The following MCTP1 variants were observed in gnomAD, a reference collection of about 807,000 sequenced individuals.
MCTP1 encodes the protein multiple C2 and transmembrane domain containing 1.
A neutral mutation model predicts 120.6 loss-of-function variants in MCTP1; 69 were observed. That is an observed-to-expected ratio of 0.57 (90% confidence interval 0.47 to 0.70). MCTP1 has a LOEUF of 0.70. MCTP1 is among the 30% of genes least tolerant of loss of function. The pLI, the probability that MCTP1 is intolerant of heterozygous loss-of-function variation, is 0.00. For synonymous variants in MCTP1, 529 were observed against 493.1 expected, an observed-to-expected ratio of 1.07 and a Z score of -0.96; for missense variants, 1,203 against 1,248.8, an observed-to-expected ratio of 0.96 and a Z score of 0.55.
chr5:94,938,327 G>A (rs1377317474), intron 5 of MCTP1, among the ~76,000 whole-genome samples: 1 of 151,942 alleles, frequency 6.6e-6, no homozygotes, highest in Non-Finnish European at 1.5e-5. Flanking sequence ...GTGTTGTTAT[G>A]CACTCTGATC....
rs909165627 is a variant in MCTP1, at chr5:95,081,588, G to A, written c.721-64104C>T. 2.0e-6 allele frequency: 3 copies of A among 1,478,564 alleles called. No homozygotes were observed. In the African/African-American group the frequency reaches 4.2e-5, roughly 21 times the overall value. The allele number at this position is 1,478,564 out of a possible 1,614,324, so 91.6% of individuals were successfully genotyped here. A position where few individuals can be genotyped will look rare whatever the true frequency, so the allele number is the denominator to read the frequency against. ...GGCAAAAGAGGCTGTTCACCTCCAA[G>A]TGATAGCAACAGCCCTGCACGGAGC... On this transcript the variant is annotated intron_variant, in intron 1 of 22. Coordinates refer to ENST00000515393, the MANE Select transcript of MCTP1 (RefSeq NM_024717.7).
chr5:94,834,770 G>A (rs1007740556), intron 17 of MCTP1, among the ~76,000 whole-genome samples: 2 of 150,926 alleles, frequency 1.3e-5, no homozygotes, highest in African/African-American at 4.9e-5. Flanking sequence ...TAGGAGACCT[G>A]GTAACTGGAT....
chr5:94,800,335 C>T (rs575149067), intron 17 of MCTP1, among the ~76,000 whole-genome samples: 17 of 152,136 alleles, frequency 1.1e-4, no homozygotes, highest in East Asian at 7.7e-4. Flanking sequence ...TGAACCATAG[C>T]GTAACTGGGA....
At chr5:94,982,324 C>T (rs575760466) in intron 2 of MCTP1, among the ~76,000 whole-genome samples, 10 of 152,058 alleles carry the variant, frequency 6.6e-5, no homozygotes, top group South Asian at 2.1e-4. Context: ...GGTACTGATA[C>T]AATAACAACA....
In MCTP1 at chr5:95,194,147, C is replaced by T. The variant is rs571148889; in HGVS notation, c.720+89709G>A. Among the ~76,000 whole-genome samples, 5 of 152,018 alleles carry T rather than the reference C, an allele frequency of 3.3e-5. No homozygotes were observed. The East Asian group carries it at 9.7e-4, about 29-fold the overall frequency. On this transcript the variant is annotated intron_variant, in intron 1 of 22. Coordinates refer to ENST00000515393, the MANE Select transcript of MCTP1 (RefSeq NM_024717.7). Reference sequence around the variant, plus strand: ...AGGAGGATAGCTTGAGCCCAGGAGTCTGAGCCTGCAGTGAGCTATGATTGT... The same window carrying T: ...AGGAGGATAGCTTGAGCCCAGGAGTTTGAGCCTGCAGTGAGCTATGATTGT...
At chr5:94,792,409 G>A (rs1257689925) in intron 18 of MCTP1, 1 of 152,286 alleles carries the variant, frequency 6.6e-6, no homozygotes, top group Non-Finnish European at 1.5e-5. Flanking sequence ...GACAAAAGGG[G>A]TTGCCTTCCC....
intron 1 of MCTP1, among the ~76,000 whole-genome samples, chr5:95,145,566 T>G (rs757359222): frequency 1.3e-5 from 2 of 152,104 alleles, no homozygotes; most frequent in African/African-American, 2.4e-5. Flanking sequence ...GAGGTATGTG[T>G]CTTCAATGCA....
intron 1 of MCTP1, among the ~76,000 whole-genome samples, chr5:95,053,776 C>T (rs907258632): frequency 6.6e-6 from 1 of 152,094 alleles, no homozygotes; most frequent in Middle Eastern, 3.2e-3. Flanking sequence ...CAAATGCGAC[C>T]TCCACAACTC....
intron 17 of MCTP1, among the ~76,000 whole-genome samples, chr5:94,805,469 AC>A (rs1339740647): frequency 1.3e-5 from 2 of 152,060 alleles, no homozygotes; most frequent in Non-Finnish European, 2.9e-5. Flanking sequence ...TCTACTAAAA[AC>A]AAAAAAATGT....
At chr5:95,155,834 A>G (rs10476628) in intron 1 of MCTP1, among the ~76,000 whole-genome samples, 2,863 of 152,240 alleles carry the variant, frequency 0.019, 84 homozygotes, top group African/African-American at 0.065. Context: ...ACGATAGGAG[A>G]GTCATTTCCT....
chr5:95,054,548 C>T (rs1219991037), intron 1 of MCTP1, among the ~76,000 whole-genome samples: 2 of 152,200 alleles, frequency 1.3e-5, no homozygotes, highest in Admixed American at 6.5e-5. Flanking sequence ...GGTTCCCCTT[C>T]CACCCCTTAC....
chr5:94,930,308 C>T, intron 6 of MCTP1, among the ~76,000 whole-genome samples: 1 of 117,472 alleles, frequency 8.5e-6, no homozygotes, highest in East Asian at 2.6e-4. Context: ...GAGTCTCACT[C>T]TGTTGCCCAG....
chr5:94,833,312 A>G (rs1010110792), intron 17 of MCTP1, among the ~76,000 whole-genome samples: 1 of 152,106 alleles, frequency 6.6e-6, no homozygotes, highest in African/African-American at 2.4e-5. Context: ...TCAACACCTC[A>G]TCAACTAATC....
chr5:95,117,547 G>A lies in MCTP1; in HGVS notation c.721-100063C>T, dbSNP rs191644793. Among the ~76,000 whole-genome samples, 17 of 152,206 alleles carry A rather than the reference G, an allele frequency of 1.1e-4. 1 individual carries two copies. Among genetic ancestry groups the A allele is most frequent in the Admixed American group, 3.3e-4 (5 of 15,288 alleles). On this transcript the variant is annotated intron_variant, in intron 1 of 22. Transcript: ENST00000515393. ...GGCAAGGTTGCAGAGAAATAGGAAC[G>A]CTTTCACACTGTTGGTGGGAATGTA...
chr5:94,722,179 C>A (rs978556028), intron 19 of MCTP1, among the ~76,000 whole-genome samples: 8 of 152,114 alleles, frequency 5.3e-5, no homozygotes, highest in Non-Finnish European at 1.2e-4. Flanking sequence ...CCTAAATAAT[C>A]AATAGGCATA....
At chr5:95,114,954 A>G (rs1757710482) in intron 1 of MCTP1, among the ~76,000 whole-genome samples, 1 of 152,198 alleles carries the variant, frequency 6.6e-6, no homozygotes, top group Non-Finnish European at 1.5e-5. Flanking sequence ...GTTTGGAGAA[A>G]GTAAGGAAGG....
At chr5:95,224,052 GTACA>G (rs974093650) in intron 1 of MCTP1, among the ~76,000 whole-genome samples, 6 of 152,194 alleles carry the variant, frequency 3.9e-5, no homozygotes, top group African/African-American at 1.4e-4. Flanking sequence ...GGGAAATACA[GTACA>G]AATAGGGGAA....
intron 1 of MCTP1, among the ~76,000 whole-genome samples, chr5:95,272,548 T>C (rs577877501): frequency 3.3e-4 from 51 of 152,336 alleles, no homozygotes; most frequent in South Asian, 6.2e-4. Context: ...TCTTCCTCAT[T>C]CCTGGCAAAT....
At chr5:94,941,078 C>T (rs1228146139) in intron 4 of MCTP1, among the ~76,000 whole-genome samples, 1 of 151,832 alleles carries the variant, frequency 6.6e-6, no homozygotes, top group Non-Finnish European at 1.5e-5. Flanking sequence ...GAAATTATTC[C>T]AAATTGTCAC....
Sources: allele counts gnomAD v4.1 joint callset (sites outside exome capture counted in the v4.1 genomes callset), GRCh38; gene constraint gnomAD v4.1.1; transcripts MANE v1.5; gene names NCBI Gene and HGNC (gene_info 2026-07-23, HGNC 2026-07-21).